OSBPL1A: variants seen among roughly 807,000 people sequenced by gnomAD.
The protein encoded by OSBPL1A is oxysterol-binding protein-related protein 1.
Under a neutral mutation model 137.1 loss-of-function variants are expected in OSBPL1A, and 80 were observed. The ratio of observed to expected loss-of-function variants is 0.58; its 90% CI spans 0.49 to 0.70. The LOEUF is 0.70. OSBPL1A is among the 30% of genes least tolerant of loss of function. The pLI, the probability that OSBPL1A is intolerant of heterozygous loss-of-function variation, is 0.00. For synonymous variants in OSBPL1A, 365 were observed against 389.7 expected, an observed-to-expected ratio of 0.94 and a Z score of 0.75; for missense variants, 970 against 1,129.4, an observed-to-expected ratio of 0.86 and a Z score of 2.02.
chr18:24,277,978 T>C (rs1373438334), intron 15 of OSBPL1A, among the ~76,000 whole-genome samples: 4 of 152,274 alleles, frequency 2.6e-5, no homozygotes. Context: ...CGCAGTATGC[T>C]AACATACTCT....
intron 18 of OSBPL1A, among the ~76,000 whole-genome samples, chr18:24,188,308 T>G (rs549222151): frequency 1.3e-5 from 2 of 152,194 alleles, no homozygotes; most frequent in African/African-American, 4.8e-5. Context: ...CACGGCAGGA[T>G]GGGGCAGGCA....
intron 11 of OSBPL1A, among the ~76,000 whole-genome samples, chr18:24,314,757 A>G (rs955793275): frequency 1.3e-5 from 2 of 152,178 alleles, no homozygotes; most frequent in Non-Finnish European, 2.9e-5. Flanking sequence ...ATAAAGAAGG[A>G]GAAAAGGGAA....
intron 11 of OSBPL1A, among the ~76,000 whole-genome samples, chr18:24,314,743 G>A (rs1373639939): frequency 6.6e-6 from 1 of 152,126 alleles, no homozygotes; most frequent in Non-Finnish European, 1.5e-5. Flanking sequence ...AGTAGATAAT[G>A]TTGATAAAGA....
rs566602673 is a variant in OSBPL1A, at chr18:24,389,203, C to A, written c.-3+8452G>T. Among the ~76,000 whole-genome samples the A allele has an allele frequency of 2.6e-5, 4 of 152,254 alleles. No homozygotes were observed. The East Asian group carries it at 7.7e-4, about 29-fold the overall frequency. On this transcript the variant is annotated intron_variant, in intron 1 of 27. Coordinates refer to ENST00000319481, the MANE Select transcript of OSBPL1A (RefSeq NM_080597.4). ...TTTTCAGCTGCTCTTCTCACATTCA[C>A]GCAATTCCAAGCTCTGTTTTTAGAT...
In OSBPL1A at chr18:24,196,126, A is replaced by G; in HGVS notation, c.1676T>C (p.Met559Thr). The change falls in exon 18 of 28, where the codon ATG becomes ACG. Residue 559 changes from methionine to threonine, a missense_variant and splice_region_variant. Physicochemically the swap from Met to Thr is moderately conservative, Grantham distance 81 (BLOSUM62 -1). Transcript: ENST00000319481. ...IWSILRKCIG[M>T]ELSKITMPVI... The stretch of plus-strand genomic sequence containing the variant: ...CATATGACAAAACCATTAATTTACC[A>G]TTCCAATACATTTTCTGAGGATGCT... 3 of 1,605,860 alleles carry G rather than the reference A, an allele frequency of 1.9e-6. No homozygotes were observed. The highest frequency in any genetic ancestry group is 2.6e-6 in the Non-Finnish European group (3 of 1,174,290).
chr18:24,395,864 C>A (rs1410261296), intron 1 of OSBPL1A, among the ~76,000 whole-genome samples: 1 of 150,350 alleles, frequency 6.7e-6, no homozygotes, highest in African/African-American at 2.4e-5. Context: ...TCAAGTGATC[C>A]GCCCGCCTCG....
At chr18:24,194,769 A>G (rs1472461518) in intron 18 of OSBPL1A, among the ~76,000 whole-genome samples, 6 of 152,214 alleles carry the variant, frequency 3.9e-5, no homozygotes, top group Non-Finnish European at 1.5e-5. Context: ...CTAGTTCTAC[A>G]CTGGATGGAA....
chr18:24,286,879 C>T (rs2090074794), intron 14 of OSBPL1A, among the ~76,000 whole-genome samples: 1 of 152,052 alleles, frequency 6.6e-6, no homozygotes, highest in African/African-American at 2.4e-5. Flanking sequence ...GTAAGTTGGA[C>T]AGACAGTCTT....
intron 21 of OSBPL1A, among the ~76,000 whole-genome samples, chr18:24,174,125 A>C (rs1373117671): frequency 6.6e-6 from 1 of 152,208 alleles, no homozygotes; most frequent in Non-Finnish European, 1.5e-5. Context: ...GTGACCATTC[A>C]CCCACTGAAG....
chr18:24,290,872 G>A (rs2090163457), intron 14 of OSBPL1A, among the ~76,000 whole-genome samples: 1 of 152,164 alleles, frequency 6.6e-6, no homozygotes, highest in Admixed American at 6.5e-5. Context: ...CAGGGATGCA[G>A]GGAAGAAGGA....
intron 15 of OSBPL1A, among the ~76,000 whole-genome samples, chr18:24,275,807 A>C (rs1197077376): frequency 6.6e-6 from 1 of 151,188 alleles, no homozygotes. Context: ...CGCTTACTGC[A>C]ATCTCTGCCT....
chr18:24,283,573 A>C (rs1402479395), intron 14 of OSBPL1A, among the ~76,000 whole-genome samples: 1 of 152,092 alleles, frequency 6.6e-6, no homozygotes, highest in Non-Finnish European at 1.5e-5. Flanking sequence ...AGAGACTACC[A>C]TATGCTAGGT....
intron 15 of OSBPL1A, among the ~76,000 whole-genome samples, chr18:24,267,876 T>C (rs2089621669): frequency 6.6e-6 from 1 of 151,056 alleles, no homozygotes; most frequent in Admixed American, 6.6e-5. Context: ...GGGATGAACA[T>C]GAATCCTACC....
intron 4 of OSBPL1A, among the ~76,000 whole-genome samples, chr18:24,359,229 A>T (rs957290009): frequency 6.6e-6 from 1 of 151,726 alleles, no homozygotes; most frequent in Admixed American, 6.6e-5. Context: ...AGAGAAAGAG[A>T]CAGAGACAGA....
intron 7 of OSBPL1A, among the ~76,000 whole-genome samples, chr18:24,325,717 T>C (rs2090962814): frequency 6.6e-6 from 1 of 152,214 alleles, no homozygotes; most frequent in South Asian, 2.1e-4. Context: ...TGTTCACTGC[T>C]GGGCCTCCAG....
chr18:24,199,345 C>T (rs2087141169), intron 17 of OSBPL1A, among the ~76,000 whole-genome samples: 1 of 152,090 alleles, frequency 6.6e-6, no homozygotes, highest in South Asian at 2.1e-4. Flanking sequence ...GAGAGAGGGC[C>T]TGAGATGGCA....
rs149529598 is a variant in OSBPL1A, at chr18:24,308,893, C to T, written c.1092+3091G>A. On this transcript the variant is annotated intron_variant, in intron 13 of 27. Transcript: ENST00000319481. The stretch of plus-strand genomic sequence containing the variant: ...TCAAGCAATTCTCTTGCCTCAGCCT[C>T]CAGAGTAGCTGGGACTACAGGCGCC... 2.3e-3 allele frequency among the ~76,000 whole-genome samples: 353 copies of T among 152,158 alleles called. 2 individuals carry two copies. The highest frequency in any genetic ancestry group is 8.1e-3 in the African/African-American group (337 of 41,518).
chr18:24,170,364 T>C lies in OSBPL1A; in HGVS notation c.2381A>G (p.Asp794Gly), dbSNP rs746396352. The change falls in exon 24 of 28, where the codon GAT becomes GGT. Residue 794 changes from aspartate to glycine, a missense_variant. Transcript: ENST00000319481. ...CTTCTTCTCTTCTGTATTTTTCTTA[T>C]CATTTTTTTTGTAAGCGTCAAACGT... ...PATFDAYKKN[D>G]KKNTEEKKNS... 2 of 1,614,206 alleles carry C rather than the reference T, an allele frequency of 1.2e-6. No homozygotes were observed. The highest frequency in any genetic ancestry group is 1.7e-6 in the Non-Finnish European group (2 of 1,180,030).
chr18:24,349,061 G>T (rs370414237), intron 4 of OSBPL1A, among the ~76,000 whole-genome samples: 5 of 152,128 alleles, frequency 3.3e-5, no homozygotes, highest in East Asian at 1.9e-4. Flanking sequence ...TGGCTATTTG[G>T]GGGGCTGAGC....
Sources: gnomAD v4.1 joint callset for allele counts (sites outside exome capture counted in the v4.1 genomes callset) on GRCh38, gnomAD v4.1.1 for gene constraint, MANE v1.5 for transcripts, NCBI Gene and HGNC (gene_info 2026-07-23, HGNC 2026-07-21) for gene names.